Variants in ELAVL2 observed in about 807,000 individuals in gnomAD.
ELAVL2 encodes the protein ELAV-like protein 2.
A neutral mutation model predicts 34.6 loss-of-function variants in ELAVL2; 4 were observed. The ratio of observed to expected loss-of-function variants is 0.12; its 90% CI spans 0.06 to 0.26. The LOEUF (loss-of-function observed/expected upper bound fraction) is 0.26. Ranked by LOEUF, ELAVL2 falls within the 10% of genes least tolerant of loss-of-function variation. The pLI is 1.00. For missense variants in ELAVL2, 432 were observed against 442.8 expected (o/e 0.98, Z 0.22); for synonymous variants, 193 against 154.8 (o/e 1.25, Z -1.83).
chr9:23,840,074 G>C, the ELAVL2 span, among the ~76,000 whole-genome samples: 4 of 152,156 alleles, frequency 2.6e-5, no homozygotes, highest in Admixed American at 6.5e-5. Context: ...TTCTGGTTCT[G>C]CCTCTCCTGT....
intron 1 of ELAVL2, among the ~76,000 whole-genome samples, chr9:23,784,685 A>C (rs1434424629): frequency 6.6e-6 from 1 of 152,222 alleles, no homozygotes; most frequent in East Asian, 1.9e-4. Flanking sequence ...CAAATGAAGG[A>C]AATGAAACCC....
chr9:23,792,219 G>A (rs779076361), intron 1 of ELAVL2, among the ~76,000 whole-genome samples: 62 of 152,274 alleles, frequency 4.1e-4, no homozygotes, highest in Non-Finnish European at 7.1e-4. Flanking sequence ...CAGATTTAAG[G>A]CAGGCTAGGC....
chr9:23,788,175 C>A lies in ELAVL2; in HGVS notation c.-15-25926G>T, dbSNP rs143599054. ...TAAGGAAAAAATAACAGTTGACTAA[C>A]CTAAAGCCAATGGACCAGGATATAA... is the stretch of plus-strand genomic sequence containing the variant. On this transcript the variant is annotated intron_variant, in intron 1 of 6. Coordinates refer to ENST00000397312, the MANE Select transcript of ELAVL2 (RefSeq NM_004432.5). 1.8e-3 allele frequency among the ~76,000 whole-genome samples: 272 copies of A among 152,208 alleles called. 2 individuals carry two copies. Among genetic ancestry groups the A allele is most frequent in the African/African-American group, 6.4e-3 (264 of 41,524 alleles).
intron 5 of ELAVL2, among the ~76,000 whole-genome samples, chr9:23,695,439 A>G (rs1419335929): frequency 6.6e-6 from 1 of 152,132 alleles, no homozygotes; most frequent in Non-Finnish European, 1.5e-5. Context: ...GCCCAGAGAC[A>G]GATGAGTTTT....
intron 1 of ELAVL2, among the ~76,000 whole-genome samples, chr9:23,817,782 G>GT (rs1405721267): frequency 6.6e-6 from 1 of 152,160 alleles, no homozygotes; most frequent in Non-Finnish European, 1.5e-5. Context: ...AGTGAAAAAT[G>GT]TCCTAAGTAC....
intron 2 of ELAVL2, among the ~76,000 whole-genome samples, chr9:23,749,138 T>C (rs527968326): frequency 1.3e-3 from 193 of 152,280 alleles, no homozygotes; most frequent in Non-Finnish European, 2.1e-3. Context: ...ATAAATTTTA[T>C]GTTATATTTT....
intron 4 of ELAVL2, among the ~76,000 whole-genome samples, chr9:23,704,442 C>T (rs185939517): frequency 6.6e-6 from 1 of 152,188 alleles, no homozygotes; most frequent in Non-Finnish European, 1.5e-5. Flanking sequence ...AAATTTCAAA[C>T]TCTTACATAT....
At chr9:23,778,446 T>C (rs1009898675) in intron 1 of ELAVL2, among the ~76,000 whole-genome samples, 2 of 152,200 alleles carry the variant, frequency 1.3e-5, no homozygotes, top group Non-Finnish European at 2.9e-5. Flanking sequence ...TTCATAAAAC[T>C]ATATTTCTGA....
chr9:23,844,311 T>C, the ELAVL2 span, among the ~76,000 whole-genome samples: 1 of 152,084 alleles, frequency 6.6e-6, no homozygotes, highest in African/African-American at 2.4e-5. Context: ...ATTATCAGGT[T>C]CTAGCACGGT....
chr9:23,771,677 CTA>C (rs2057332926), intron 1 of ELAVL2, among the ~76,000 whole-genome samples: 1 of 152,132 alleles, frequency 6.6e-6, no homozygotes, highest in Admixed American at 6.5e-5. Context: ...GATTTGTAAT[CTA>C]TGTGAGCCCC....
the ELAVL2 span, among the ~76,000 whole-genome samples, chr9:23,837,697 A>T: frequency 6.6e-6 from 1 of 152,170 alleles, no homozygotes; most frequent in Non-Finnish European, 1.5e-5. Flanking sequence ...TTGTAATTTT[A>T]AAGAAATACA....
intron 1 of ELAVL2, among the ~76,000 whole-genome samples, chr9:23,783,968 G>A (rs975326975): frequency 3.3e-5 from 5 of 151,738 alleles, no homozygotes; most frequent in Admixed American, 6.6e-5. Context: ...GCTGAGGCGC[G>A]TGGATCACGA....
chr9:23,742,173 C>A (rs1236948673), intron 2 of ELAVL2, among the ~76,000 whole-genome samples: 1 of 152,138 alleles, frequency 6.6e-6, no homozygotes, highest in Non-Finnish European at 1.5e-5. Context: ...ATAACCCCAA[C>A]CACCAAAAAG....
At chr9:23,783,028 C>G (rs909824617) in intron 1 of ELAVL2, among the ~76,000 whole-genome samples, 1 of 152,186 alleles carries the variant, frequency 6.6e-6, no homozygotes, top group Non-Finnish European at 1.5e-5. Context: ...TCCCAAGATA[C>G]TAACTGGTAA....
intron 2 of ELAVL2, among the ~76,000 whole-genome samples, chr9:23,747,764 A>G (rs2050862378): frequency 6.6e-6 from 1 of 152,194 alleles, no homozygotes; most frequent in African/African-American, 2.4e-5. Context: ...CTTTCTGTTA[A>G]GCCCCAACAC....
At chr9:23,806,298 T>A (rs1208579694) in intron 1 of ELAVL2, among the ~76,000 whole-genome samples, 3 of 152,124 alleles carry the variant, frequency 2.0e-5, no homozygotes, top group Non-Finnish European at 2.9e-5. Context: ...TCAGCATATA[T>A]AATTTTAATC....
chr9:23,816,525 T>C (rs2063744422), intron 1 of ELAVL2, among the ~76,000 whole-genome samples: 1 of 152,128 alleles, frequency 6.6e-6, no homozygotes, highest in Admixed American at 6.5e-5. Flanking sequence ...CCTTTCATGA[T>C]AAACTTTTTA....
rs199637833 is a variant in ELAVL2 at position 23,699,812 on chromosome 9, G to GTTTTTTTTT, written c.713+1558_713+1566dup. Among the ~76,000 whole-genome samples, 113 of 82,968 alleles carry GTTTTTTTTT rather than the reference G, an allele frequency of 1.4e-3. 12 individuals carry two copies. Among genetic ancestry groups the GTTTTTTTTT allele is most frequent in the Middle Eastern group, 0.021 (2 of 96 alleles). 54.4% of individuals were successfully genotyped at this position (82,968 alleles called of 152,430 possible). ...CCATGGGAAGTCAAAGGTGGCAAAG[G>GTTTTTTTTT]TTTTTTTTTTTTTTTTTTTTTTTTT... On this transcript the variant is annotated intron_variant, in intron 5 of 6. Transcript: ENST00000397312.
intron 1 of ELAVL2, among the ~76,000 whole-genome samples, chr9:23,780,449 G>C (rs2058908382): frequency 6.6e-6 from 1 of 151,992 alleles, no homozygotes; most frequent in African/African-American, 2.4e-5. Context: ...TTTTCAATTT[G>C]TTGAAAGTTT....
Sources: gnomAD v4.1 joint callset for allele counts (sites outside exome capture counted in the v4.1 genomes callset) on GRCh38, gnomAD v4.1.1 for gene constraint, MANE v1.5 for transcripts, NCBI Gene and HGNC (gene_info 2026-07-23, HGNC 2026-07-21) for gene names.